Variants in CCT2 observed in about 807,000 individuals in gnomAD.
The protein encoded by CCT2 is chaperonin containing TCP1 subunit 2.
A neutral mutation model predicts 61.8 loss-of-function variants in CCT2; 18 were observed. That is an observed-to-expected ratio of 0.29 (90% CI 0.20 to 0.43). CCT2 has a LOEUF of 0.43. Ranked by LOEUF, CCT2 falls within the 20% of genes least tolerant of loss-of-function variation. CCT2 has a pLI of 1.00. For missense variants in CCT2, 556 were observed against 656.9 expected, an observed-to-expected ratio of 0.85 and a Z score of 1.68; for synonymous variants, 248 against 215.9, an observed-to-expected ratio of 1.15 and a Z score of -1.30.
chr12:69,586,394 G>C, intron 2 of CCT2, 50 bp downstream of exon 2: 1 of 1,337,680 alleles, frequency 7.5e-7, no homozygotes, highest in Middle Eastern at 1.9e-4. Context: ...GAGGCCAGGC[G>C]CGGTGGCTTA....
intron 6 of CCT2, chr12:69,589,237 C>T: frequency 2.0e-6 from 1 of 509,648 alleles, no homozygotes; most frequent in East Asian, 3.6e-5. Context: ...TTCTCACATT[C>T]TTGCCAACAT....
rs761231325 is a variant in CCT2, at chr12:69,593,623, AAAG to A, written c.982+11_982+13del. On this transcript the variant is annotated intron_variant, in intron 10 of 15. Transcript: ENST00000299300. Reference sequence around the variant, plus strand: ...CTAGCTCTTGTCACAGGTATGGAAAAAAGGTATTGTTTTCTAACAAACACAATA... The same window carrying A: ...CTAGCTCTTGTCACAGGTATGGAAAAGTATTGTTTTCTAACAAACACAATA... 14 of 1,544,342 alleles carry A rather than the reference AAAG, an allele frequency of 9.1e-6. No individual in the cohort carries two copies. The highest frequency in any genetic ancestry group is 6.8e-5 in the Admixed American group (4 of 58,730).
chr12:69,597,167 G>A lies in CCT2; in HGVS notation c.994G>A (p.Ala332Thr), dbSNP rs79479324. The A allele has an allele frequency of 1.2e-6, 2 of 1,613,586 alleles. No individual in the cohort carries two copies. The highest frequency in any genetic ancestry group is 2.7e-5 in the African/African-American group (2 of 74,910). Residue 332 changes from alanine to threonine, a missense_variant, in exon 11 of 16, where the codon GCC (alanine) becomes ACC (threonine). Transcript: ENST00000299300. ...GTTTATGTTTATAGGTGGTGAAATT[G>A]CCTCTACCTTTGATCACCCAGAACT... Reference protein sequence around the residue: ...RLALVTGGEIASTFDHPELVK... With the variant: ...RLALVTGGEITSTFDHPELVK...
intron 9 of CCT2, 60 bp from the exon 10 acceptor site, chr12:69,593,450 C>T (rs1260389186): frequency 7.3e-6 from 8 of 1,094,034 alleles, no homozygotes; most frequent in South Asian, 2.8e-5. Flanking sequence ...GTTTTTTAGT[C>T]TAATGTAGTT....
At chr12:69,592,313 TAA>T (rs201121457) in intron 8 of CCT2, 154 bp downstream of exon 8, 2,116 of 336,718 alleles carry the variant, frequency 6.3e-3, no homozygotes, top group Non-Finnish European at 8.2e-3. Context: ...CTGTCTCTAC[TAA>T]AAAAAAAAAA....
Position 69,585,538 on chromosome 12 carries a change from C to G in CCT2, c.3+14C>G, listed in dbSNP as rs751685855. 1 of 1,571,732 alleles carries G rather than the reference C, an allele frequency of 6.4e-7. No individual in the cohort carries two copies. Among genetic ancestry groups the G allele is most frequent in the Non-Finnish European group, 8.6e-7 (1 of 1,157,528 alleles). On this transcript the variant is annotated intron_variant, in intron 1 of 15. Coordinates refer to ENST00000299300, the MANE Select transcript of CCT2 (RefSeq NM_006431.3). ...CTCGGAACCATGGTGAGCCTGACTCCCCTGCCTCTTGCCCTACCCCTGCTC... is the reference window on the plus strand; with the variant it reads ...CTCGGAACCATGGTGAGCCTGACTCGCCTGCCTCTTGCCCTACCCCTGCTC...
At position 69,589,683 on chromosome 12, in the gene CCT2, T is replaced by C. The variant is rs1158294973; in HGVS notation, c.645T>C (p.Asp215=). ...LGGSLADSYL[D]EGFLLDKKIG... Reference sequence around the variant, plus strand: ...GAAGTTTGGCAGATTCCTATTTAGATGAAGGTATGTATGAATGTCAGATAC... The same window carrying C: ...GAAGTTTGGCAGATTCCTATTTAGACGAAGGTATGTATGAATGTCAGATAC... Residue 215 remains aspartate (D), a synonymous_variant, in exon 7 of 16, where the codon GAT becomes GAC. Coordinates refer to ENST00000299300, the MANE Select transcript of CCT2 (RefSeq NM_006431.3). 5 of 1,609,598 alleles carry C rather than the reference T, an allele frequency of 3.1e-6. No homozygotes were observed. In the East Asian group the frequency reaches 6.7e-5, roughly 22 times the overall value.
At chr12:69,598,622 G>GGAATA in intron 14 of CCT2, among the ~76,000 whole-genome samples, 1 of 152,220 alleles carries the variant, frequency 6.6e-6, no homozygotes, top group East Asian at 1.9e-4. Flanking sequence ...TATTCCATAA[G>GGAATA]ACATGTAAAA....
intron 2 of CCT2, 86 bp from the exon 3 acceptor site, chr12:69,586,667 C>CA (rs371280517): frequency 0.14 from 109,363 of 779,564 alleles, no homozygotes; most frequent in Non-Finnish European, 0.15. Context: ...CACTCTGCCT[C>CA]AAAAAAAAAA....
At chr12:69,587,110 A>G (rs2135849244) in intron 3 of CCT2, 1 of 341,736 alleles carries the variant, frequency 2.9e-6, no homozygotes, top group East Asian at 5.0e-5. Context: ...ACTGTTTTAT[A>G]AAACAGATAC....
Position 69,588,251 on chromosome 12 carries a change from A to G in CCT2, c.435A>G (p.Ala145=), listed in dbSNP as rs1881724932. The change falls in exon 6 of 16, where the codon GCA becomes GCG. Residue 145 remains alanine, a synonymous_variant. Coordinates refer to ENST00000299300, the MANE Select transcript of CCT2 (RefSeq NM_006431.3). ...CAAGAGAGGCGCTGTTGAGTTCTGCAGTTGATCATGGGTTTGTATAGCAAA... is the reference window on the plus strand; with the variant it reads ...CAAGAGAGGCGCTGTTGAGTTCTGCGGTTGATCATGGGTTTGTATAGCAAA... The part of the protein sequence containing the change: ...KAAREALLSS[A]VDHGSDEVKF... The G allele has an allele frequency of 6.2e-7, 1 of 1,611,994 alleles. No individual in the cohort carries two copies.
intron 15 of CCT2, 27 bp from the exon 16 acceptor site, chr12:69,601,268 C>G (rs1398520210): frequency 6.4e-7 from 1 of 1,569,630 alleles, no homozygotes; most frequent in East Asian, 2.2e-5. Flanking sequence ...TCATTTTTCA[C>G]TATTGACTTT....
chr12:69,589,391 C>A, intron 6 of CCT2, 94 bp from the exon 7 acceptor site: 1 of 790,352 alleles, frequency 1.3e-6, no homozygotes, highest in Non-Finnish European at 2.1e-6. Flanking sequence ...CAGACTTGAT[C>A]AGTTAGGGTA....
intron 15 of CCT2, 114 bp downstream of exon 15, chr12:69,600,118 G>C: frequency 1.0e-6 from 1 of 987,950 alleles, no homozygotes; most frequent in Non-Finnish European, 1.4e-6. Context: ...CTGGATAAAA[G>C]TATGTAAGTT....
rs571317769 is a variant in CCT2 at position 69,589,266 on chromosome 12, T to C, written c.447-219T>C. 2.1e-5 allele frequency: 11 copies of C among 520,170 alleles called. No homozygotes were observed. The African/African-American group carries it at 3.2e-4, about 15-fold the overall frequency. 32.2% of individuals were successfully genotyped at this position (520,170 alleles called of 1,614,324 possible). On this transcript the variant is annotated intron_variant, in intron 6 of 15. Coordinates refer to ENST00000299300, the MANE Select transcript of CCT2 (RefSeq NM_006431.3). ...CCAACATTAGACTTTTGCATGCTTG[T>C]GTGGCCCCCACCCCTCTTTTTTTTT...
intron 10 of CCT2, 114 bp from the exon 11 acceptor site, chr12:69,597,042 C>G (rs11177740): frequency 0.047 from 40,724 of 870,712 alleles, 1,186 homozygotes; most frequent in Middle Eastern, 0.06. Flanking sequence ...AATCAGCAAT[C>G]AATTTTTAAA....
chr12:69,592,071 A>G lies in CCT2; in HGVS notation c.662A>G (p.Asp221Gly). Residue 221 changes from aspartate (D) to glycine (G), a missense_variant, in exon 8 of 16, where the codon GAT becomes GGT. This residue lies in a region of CCT2 where 308 missense variants were observed against 350.6 expected (regional missense o/e 0.88). Coordinates refer to ENST00000299300, the MANE Select transcript of CCT2 (RefSeq NM_006431.3). ...ATATTTATTGTAGGCTTCCTGTTGG[A>G]TAAAAAAATTGGAGTAAATCAACCA... ...DSYLDEGFLLDKKIGVNQPKR... is the reference protein window; with the variant it reads ...DSYLDEGFLLGKKIGVNQPKR... 4 of 1,579,732 alleles carry G rather than the reference A, an allele frequency of 2.5e-6. No homozygotes were observed. Among genetic ancestry groups the G allele is most frequent in the Non-Finnish European group, 3.5e-6 (4 of 1,149,016 alleles).
chr12:69,587,213 T>C (rs1881692664), intron 3 of CCT2: 3 of 357,550 alleles, frequency 8.4e-6, no homozygotes, highest in Admixed American at 4.4e-5. Flanking sequence ...TATTATCCTG[T>C]ACCTTAATTA....
chr12:69,601,495 A>G lies in CCT2; in HGVS notation c.*170A>G. ...ATAGGTCTAATTTATTTGCCGTGTC[A>G]TTTTCCATACAAATCAGTTGATTTA... On this transcript the variant is annotated 3_prime_UTR_variant, in exon 16 of 16. Transcript: ENST00000299300. 1 of 1,472,414 alleles carries G rather than the reference A, an allele frequency of 6.8e-7. No individual in the cohort carries two copies. The highest frequency in any genetic ancestry group is 9.0e-7 in the Non-Finnish European group (1 of 1,112,576). 91.2% of individuals were successfully genotyped at this position (1,472,414 alleles called of 1,614,324 possible).
Sources: allele counts gnomAD v4.1 joint callset (sites outside exome capture counted in the v4.1 genomes callset), GRCh38; gene constraint gnomAD v4.1.1; regional missense constraint gnomAD v4.1.1; transcripts MANE v1.5; gene names NCBI Gene and HGNC (gene_info 2026-07-23, HGNC 2026-07-21).